The following TRAPPC9 variants were observed in gnomAD, a reference collection of about 807,000 sequenced individuals.
TRAPPC9 encodes the protein IKK2 binding protein.
In TRAPPC9, 83 loss-of-function variants were observed where a neutral mutation model predicts 124.0. That is an observed-to-expected ratio of 0.67 (90% CI 0.56 to 0.80). TRAPPC9 has a LOEUF of 0.80. Among genes scored for constraint, TRAPPC9 ranks in the 30% least tolerant of loss-of-function variants. The pLI is 0.00. For synonymous variants in TRAPPC9, 638 were observed against 617.5 expected, an observed-to-expected ratio of 1.03 and a Z score of -0.49; for missense variants, 1,302 against 1,508.3, an observed-to-expected ratio of 0.86 and a Z score of 2.27.
At chr8:139,762,361 A>G (rs1280931586) in intron 21 of TRAPPC9, among the ~76,000 whole-genome samples, 2 of 152,174 alleles carry the variant, frequency 1.3e-5, no homozygotes, top group Non-Finnish European at 2.9e-5. Flanking sequence ...ACAGCTTAAC[A>G]CTGCGGATAG....
rs1011229878 is a variant in TRAPPC9 at position 140,407,993 on chromosome 8, A to G, written c.887-2295T>C. Reference sequence around the variant, plus strand: ...GGAGCAACCAAGAAAAATATAAACCATAGGAAAATAACAAGAGCATCGCTC... The same window carrying G: ...GGAGCAACCAAGAAAAATATAAACCGTAGGAAAATAACAAGAGCATCGCTC... On this transcript the variant is annotated intron_variant, in intron 5 of 22. Coordinates refer to ENST00000438773, the MANE Select transcript of TRAPPC9 (RefSeq NM_001160372.4). Among the ~76,000 whole-genome samples, 4 of 152,346 alleles carry G rather than the reference A, an allele frequency of 2.6e-5. No homozygotes were observed. The South Asian group carries it at 8.3e-4, about 32-fold the overall frequency.
At chr8:140,379,452 C>G (rs575981662) in intron 7 of TRAPPC9, among the ~76,000 whole-genome samples, 10 of 152,106 alleles carry the variant, frequency 6.6e-5, no homozygotes, top group Non-Finnish European at 1.5e-4. Flanking sequence ...TTCAGGTGGG[C>G]AAGTGCGGAA....
chr8:140,033,398 A>G (rs748678428), intron 17 of TRAPPC9, among the ~76,000 whole-genome samples: 2 of 152,136 alleles, frequency 1.3e-5, no homozygotes, highest in Non-Finnish European at 2.9e-5. Context: ...TTGACCATAC[A>G]TTATTTTGAG....
chr8:140,200,119 A>C (rs1477579036), intron 17 of TRAPPC9, among the ~76,000 whole-genome samples: 1 of 152,130 alleles, frequency 6.6e-6, no homozygotes, highest in African/African-American at 2.4e-5. Flanking sequence ...ACGGCCGGAG[A>C]GGGAAGTTAC....
At chr8:140,356,004 G>A (rs1471244433) in intron 9 of TRAPPC9, among the ~76,000 whole-genome samples, 1 of 152,158 alleles carries the variant, frequency 6.6e-6, no homozygotes, top group Admixed American at 6.5e-5. Flanking sequence ...AAAAACGGTG[G>A]GGAAGGCAGA....
At chr8:140,424,351 A>G (rs2132540589) in intron 5 of TRAPPC9, among the ~76,000 whole-genome samples, 2 of 147,824 alleles carry the variant, frequency 1.4e-5, no homozygotes, top group Middle Eastern at 7.0e-3. Context: ...AATTAAATTA[A>G]AAAAAAAAAA....
chr8:140,037,879 AACACACACACACAC>A (rs10560088), intron 17 of TRAPPC9, among the ~76,000 whole-genome samples: 5 of 90,564 alleles, frequency 5.5e-5, no homozygotes, highest in East Asian at 3.3e-4. Context: ...ACACACCTCC[AACACACACACACAC>A]ACACACACAC....
At chr8:140,107,145 T>C (rs187945205) in intron 17 of TRAPPC9, among the ~76,000 whole-genome samples, 4 of 152,286 alleles carry the variant, frequency 2.6e-5, no homozygotes, top group Admixed American at 6.5e-5. Context: ...ACTACAGGCA[T>C]TGAAACCACC....
intron 9 of TRAPPC9, among the ~76,000 whole-genome samples, chr8:140,315,014 T>G (rs2066406168): frequency 6.6e-6 from 1 of 152,228 alleles, no homozygotes; most frequent in African/African-American, 2.4e-5. Context: ...GGAACCTCCA[T>G]ACTGTTTAAC....
intron 17 of TRAPPC9, among the ~76,000 whole-genome samples, chr8:140,049,145 G>C (rs1011161290): frequency 6.6e-6 from 1 of 152,110 alleles, no homozygotes; most frequent in Non-Finnish European, 1.5e-5. Flanking sequence ...TTGCTATATA[G>C]ATATGGAAAC....
chr8:139,731,152 C>T lies in TRAPPC9; in HGVS notation c.3356G>A (p.Arg1119Gln), dbSNP rs145503551. ...LYTGDFFLHIRFHEDSTSKEL... is the reference protein window; with the variant it reads ...LYTGDFFLHIQFHEDSTSKEL... ...CTTGCTGGTGCTGTCCTCGTGGAACCGGATGTGGAGGAAGAAGTCTCCCGT... is the reference window on the plus strand; with the variant it reads ...CTTGCTGGTGCTGTCCTCGTGGAACTGGATGTGGAGGAAGAAGTCTCCCGT... Residue 1119 changes from arginine (R) to glutamine (Q), a missense_variant, in exon 23 of 23, where the codon CGG (arginine) becomes CAG (glutamine). Physicochemically the swap from Arg to Gln is conservative, Grantham distance 43. Transcript: ENST00000438773. 254 of 1,613,984 alleles carry T rather than the reference C, an allele frequency of 1.6e-4. 1 individual carries two copies. The East Asian group carries it at 3.8e-3, about 24-fold the overall frequency.
intron 17 of TRAPPC9, among the ~76,000 whole-genome samples, chr8:140,212,579 T>G (rs1462232597): frequency 2.0e-5 from 3 of 152,184 alleles, no homozygotes; most frequent in African/African-American, 7.2e-5. Context: ...TCCCCCATGA[T>G]CTCTTTGCCT....
chr8:139,992,143 A>C (rs761658551), intron 18 of TRAPPC9, among the ~76,000 whole-genome samples: 10 of 152,252 alleles, frequency 6.6e-5, no homozygotes, highest in Non-Finnish European at 1.3e-4. Flanking sequence ...AAAAACAATT[A>C]CAAGACAAAC....
At chr8:139,957,696 T>C (rs1835090596) in intron 19 of TRAPPC9, among the ~76,000 whole-genome samples, 1 of 152,120 alleles carries the variant, frequency 6.6e-6, no homozygotes, top group Admixed American at 6.5e-5. Flanking sequence ...GTGCATGCCA[T>C]GCAGGAAACC....
intron 17 of TRAPPC9, among the ~76,000 whole-genome samples, chr8:140,050,586 T>G (rs1438388430): frequency 6.6e-6 from 1 of 152,088 alleles, no homozygotes; most frequent in African/African-American, 2.4e-5. Context: ...CTGGGTCTCA[T>G]GGTCCCCTGA....
intron 18 of TRAPPC9, among the ~76,000 whole-genome samples, chr8:139,996,630 G>GCCACC (rs1218629347): frequency 6.6e-6 from 1 of 151,776 alleles, no homozygotes; most frequent in South Asian, 2.1e-4. Flanking sequence ...AAAATAACAT[G>GCCACC]CCATTTTTAA....
At chr8:140,072,264 G>C (rs1170324059) in intron 17 of TRAPPC9, among the ~76,000 whole-genome samples, 1 of 152,200 alleles carries the variant, frequency 6.6e-6, no homozygotes, top group Non-Finnish European at 1.5e-5. Context: ...GCCGGGCACA[G>C]TGGCTCATGC....
intron 15 of TRAPPC9, among the ~76,000 whole-genome samples, chr8:140,259,811 G>A (rs1295617330): frequency 6.6e-6 from 1 of 152,190 alleles, no homozygotes. Flanking sequence ...CCCTTCCCAT[G>A]CAATGGCTCA....
intron 17 of TRAPPC9, among the ~76,000 whole-genome samples, chr8:140,135,800 A>G (rs1046434461): frequency 3.3e-5 from 5 of 152,220 alleles, no homozygotes; most frequent in Non-Finnish European, 5.9e-5. Flanking sequence ...TCGCAATACA[A>G]TTTTTTAAAA....
Sources: allele counts gnomAD v4.1 joint callset (sites outside exome capture counted in the v4.1 genomes callset), GRCh38; gene constraint gnomAD v4.1.1; transcripts MANE v1.5; gene names NCBI Gene and HGNC (gene_info 2026-07-23, HGNC 2026-07-21).